Variants in HECW1 observed in about 807,000 individuals in gnomAD.
The protein encoded by HECW1 is HECT, C2 and WW domain containing E3 ubiquitin protein ligase 1.
A neutral mutation model predicts 182.3 loss-of-function variants in HECW1; 61 were observed. The ratio of observed to expected loss-of-function variants is 0.33; its 90% CI spans 0.27 to 0.41. The LOEUF (loss-of-function observed/expected upper bound fraction) is 0.41. Ranked by LOEUF, HECW1 falls within the 10% of genes least tolerant of loss-of-function variation. HECW1 has a pLI of 1.00. For synonymous variants in HECW1, 859 were observed against 832.6 expected (o/e 1.03, Z -0.55); for missense variants, 1,739 against 2,108.9 (o/e 0.82, Z 3.44).
At chr7:43,285,453 T>G (rs1050743118) in intron 3 of HECW1, among the ~76,000 whole-genome samples, 2 of 152,134 alleles carry the variant, frequency 1.3e-5, no homozygotes, top group African/African-American at 4.8e-5. Flanking sequence ...AGTTCATGAG[T>G]CATATGCCAC....
chr7:43,405,249 T>A (rs554415846), intron 7 of HECW1, among the ~76,000 whole-genome samples: 1 of 146,278 alleles, frequency 6.8e-6, no homozygotes, highest in Non-Finnish European at 1.6e-5. Flanking sequence ...TTATGATGAA[T>A]GTTTTATATA....
intron 3 of HECW1, among the ~76,000 whole-genome samples, chr7:43,255,227 A>T (rs1800430471): frequency 6.6e-6 from 1 of 152,218 alleles, no homozygotes; most frequent in African/African-American, 2.4e-5. Flanking sequence ...TGAAATAAAA[A>T]TAGCTGGAGA....
chr7:43,210,693 A>G (rs891415267), intron 2 of HECW1, among the ~76,000 whole-genome samples: 1 of 152,144 alleles, frequency 6.6e-6, no homozygotes, highest in African/African-American at 2.4e-5. Context: ...GTTCAGCTCA[A>G]TTAGGACAAA....
At chr7:43,137,613 A>G (rs764829745) in intron 2 of HECW1, among the ~76,000 whole-genome samples, 1 of 151,900 alleles carries the variant, frequency 6.6e-6, no homozygotes, top group South Asian at 2.1e-4. Context: ...GCAGTGGTAC[A>G]ATCACGGCTC....
At chr7:43,366,682 A>G (rs76117575) in intron 6 of HECW1, among the ~76,000 whole-genome samples, 12,914 of 152,272 alleles carry the variant, frequency 0.085, 680 homozygotes, top group East Asian at 0.22. Context: ...TCCAATAAAC[A>G]TCAATCACCA....
rs201184322 is a variant in HECW1 at position 43,223,619 on chromosome 7, CA to C, written c.-31-20243del. 7.1e-3 allele frequency among the ~76,000 whole-genome samples: 1,001 copies of C among 141,934 alleles called. 8 individuals carry two copies. Among genetic ancestry groups the C allele is most frequent in the African/African-American group, 0.016 (633 of 38,972 alleles). 93.1% of individuals were successfully genotyped at this position (141,934 alleles called of 152,430 possible). A position where few individuals can be genotyped will look rare whatever the true frequency, so the allele number is the denominator to read the frequency against. ...GGGCAACAAGAGCAAAACTCCGTCT[CA>C]AAAAAAAAAAAATATGCCAAGTTGT... On this transcript the variant is annotated intron_variant, in intron 2 of 29. Transcript: ENST00000395891.
Position 43,479,708 on chromosome 7 carries a change from G to A in HECW1, c.3198G>A (p.Gln1066=). The change falls in exon 17 of 30, where the codon CAG becomes CAA. Residue 1066 remains glutamine (Q), a synonymous_variant. Transcript: ENST00000395891. ...GRLPNHLTHR[Q]HLQRLRSYSA... ...TTCCCAATCATCTAACTCACCGACA[G>A]CACCTCCAGAGGCTCCGAAGTTACA... 1 of 1,613,948 alleles carries A rather than the reference G, an allele frequency of 6.2e-7. No homozygotes were observed. Among genetic ancestry groups the A allele is most frequent in the Non-Finnish European group, 8.5e-7 (1 of 1,179,968 alleles).
intron 27 of HECW1, among the ~76,000 whole-genome samples, chr7:43,551,648 C>A (rs1004229964): frequency 6.6e-6 from 1 of 152,132 alleles, no homozygotes; most frequent in African/African-American, 2.4e-5. Context: ...TGAGAGGGAG[C>A]ATTAGGAGTG....
rs1302330191 is a variant in HECW1 at position 43,432,527 on chromosome 7, C to T, written c.802-5476C>T. Among the ~76,000 whole-genome samples, 1 of 152,174 alleles carries T rather than the reference C, an allele frequency of 6.6e-6. No homozygotes were observed. Among genetic ancestry groups the T allele is most frequent in the Admixed American group, 6.5e-5 (1 of 15,274 alleles). On this transcript the variant is annotated intron_variant, in intron 8 of 29. Transcript: ENST00000395891. The surrounding 1 kb of genome is among the most constrained non-coding windows in gnomAD (Gnocchi z 4.1). ...TCCATCAGGCTGAGCCTTTGGGAAG[C>T]CTTACTATAGCATCTTCTGCTTTGT...
At chr7:43,284,113 G>A (rs1018626245) in intron 3 of HECW1, among the ~76,000 whole-genome samples, 2 of 152,188 alleles carry the variant, frequency 1.3e-5, no homozygotes, top group Admixed American at 6.5e-5. Context: ...GGACCGTGGG[G>A]CGGGGACCCT....
At chr7:43,295,734 C>T (rs907917644) in intron 3 of HECW1, among the ~76,000 whole-genome samples, 2 of 152,144 alleles carry the variant, frequency 1.3e-5, no homozygotes, top group African/African-American at 2.4e-5. Flanking sequence ...GTTTATATCC[C>T]ACTATCTCTC....
chr7:43,120,730 G>A (rs910005119), intron 2 of HECW1, among the ~76,000 whole-genome samples: 5 of 152,016 alleles, frequency 3.3e-5, no homozygotes, highest in African/African-American at 9.7e-5. Context: ...TACAACCTCC[G>A]CCTCCCAGGC....
chr7:43,324,427 A>G (rs760459419), intron 5 of HECW1, among the ~76,000 whole-genome samples: 3 of 152,254 alleles, frequency 2.0e-5, no homozygotes, highest in Non-Finnish European at 4.4e-5. Flanking sequence ...ATATAAATTT[A>G]CATGTTATGT....
intron 3 of HECW1, among the ~76,000 whole-genome samples, chr7:43,307,940 GTAT>G (rs1160297200): frequency 7.7e-6 from 1 of 129,420 alleles, no homozygotes; most frequent in African/African-American, 2.9e-5. Context: ...ATAGTGAAAT[GTAT>G]TATTATATAT....
intron 2 of HECW1, among the ~76,000 whole-genome samples, chr7:43,142,750 C>CA (rs1378782072): frequency 2.0e-5 from 3 of 152,194 alleles, no homozygotes; most frequent in Non-Finnish European, 4.4e-5. Context: ...TTTAGCACTC[C>CA]AGTTTCAGCA....
intron 8 of HECW1, among the ~76,000 whole-genome samples, chr7:43,427,400 C>T (rs1168015274): frequency 6.6e-6 from 1 of 152,176 alleles, no homozygotes; most frequent in Non-Finnish European, 1.5e-5. Context: ...TACTTCTCTT[C>T]AGAGCTCTTT....
chr7:43,364,690 A>G (rs1171099932), intron 6 of HECW1, among the ~76,000 whole-genome samples: 1 of 152,256 alleles, frequency 6.6e-6, no homozygotes, highest in Non-Finnish European at 1.5e-5. Context: ...CAGGCCTGGC[A>G]GGGAAGGAGA....
At chr7:43,524,234 G>A (rs1281211467) in intron 24 of HECW1, among the ~76,000 whole-genome samples, 1 of 152,164 alleles carries the variant, frequency 6.6e-6, no homozygotes, top group Non-Finnish European at 1.5e-5. Context: ...TTCAAAGAGT[G>A]TGAGAAAAAA....
At chr7:43,288,216 G>A (rs115734438) in intron 3 of HECW1, among the ~76,000 whole-genome samples, 2,054 of 152,228 alleles carry the variant, frequency 0.013, 53 homozygotes, top group African/African-American at 0.046. Context: ...GAAGAGGAGG[G>A]GAATTAGCTG....
Sources: allele counts gnomAD v4.1 joint callset (sites outside exome capture counted in the v4.1 genomes callset), GRCh38; gene constraint gnomAD v4.1.1; non-coding constraint Gnocchi (gnomAD v3.1); transcripts MANE v1.5; gene names NCBI Gene and HGNC (gene_info 2026-07-23, HGNC 2026-07-21).